Variants in MAB21L3 observed in about 807,000 individuals in gnomAD.
The protein encoded by MAB21L3 is mab-21 like 3.
Under a neutral mutation model 37.7 loss-of-function variants are expected in MAB21L3, and 36 were observed. The observed-to-expected ratio is 0.96, with a 90% CI of 0.73 to 1.26. The LOEUF (loss-of-function observed/expected upper bound fraction) is 1.26, where lower values mean the gene tolerates loss of function less well. Ranked by LOEUF, MAB21L3 falls within the 50% of genes most tolerant of loss-of-function variation. MAB21L3 has a pLI of 0.00. For synonymous variants in MAB21L3, 186 were observed against 176.8 expected, an observed-to-expected ratio of 1.05 and a Z score of -0.41; for missense variants, 430 against 447.3, an observed-to-expected ratio of 0.96 and a Z score of 0.35.
Position 116,135,828 on chromosome 1 carries a change from G to A in MAB21L3, c.*2463G>A, listed in dbSNP as rs1224386517. On this transcript the variant is annotated 3_prime_UTR_variant, in exon 8 of 8. Coordinates refer to ENST00000369500, the MANE Select transcript of MAB21L3 (RefSeq NM_152367.3). ...GGGATGCAAGGCTGGTTCAATATAC[G>A]CAAATCAATAAATGTAATCCAGCAT... 1.0e-4 allele frequency among the ~76,000 whole-genome samples: 15 copies of A among 149,558 alleles called. No individual in the cohort carries two copies. The highest frequency in any genetic ancestry group is 2.1e-4 in the South Asian group (1 of 4,750).
At position 116,133,958 on chromosome 1, in the gene MAB21L3, A is replaced by C; in HGVS notation, c.*593A>C. 6.5e-6 allele frequency: 1 copy of C among 154,670 alleles called. No individual in the cohort carries two copies. The highest frequency in any genetic ancestry group is 1.4e-5 in the Non-Finnish European group (1 of 69,694). The allele number at this position is 154,670 out of a possible 1,614,324, so 9.6% of individuals were successfully genotyped here. On this transcript the variant is annotated 3_prime_UTR_variant, in exon 8 of 8. Coordinates refer to ENST00000369500, the MANE Select transcript of MAB21L3 (RefSeq NM_152367.3). ...ACCCACAGCACTGACGCAAAATTGC[A>C]CCTGATGAGTTAGTGAGCCTGTGCT...
chr1:116,118,094 G>C (rs1268076972), intron 3 of MAB21L3, among the ~76,000 whole-genome samples: 1 of 152,088 alleles, frequency 6.6e-6, no homozygotes, highest in Non-Finnish European at 1.5e-5. Flanking sequence ...CATGGTAAAA[G>C]TTCTTGGGGC....
rs1275353151 is a variant in MAB21L3 at position 116,137,106 on chromosome 1, A to G, written c.*3741A>G. On this transcript the variant is annotated 3_prime_UTR_variant, in exon 8 of 8. Coordinates refer to ENST00000369500, the MANE Select transcript of MAB21L3 (RefSeq NM_152367.3). ...TAAAACACCAAAAGCAATGGCAACA[A>G]AAGCCAAAATTGACAAATGGGATCT... Among the ~76,000 whole-genome samples, 68 of 95,450 alleles carry G rather than the reference A, an allele frequency of 7.1e-4. No individual in the cohort carries two copies. The highest frequency in any genetic ancestry group is 5.2e-3 in the African/African-American group (64 of 12,396). The allele number at this position is 95,450 out of a possible 152,430, so 62.6% of individuals were successfully genotyped here. A position where few individuals can be genotyped will look rare whatever the true frequency, so the allele number is the denominator to read the frequency against.
intron 3 of MAB21L3, among the ~76,000 whole-genome samples, chr1:116,116,316 G>A (rs1659586572): frequency 1.3e-5 from 2 of 152,154 alleles, no homozygotes; most frequent in African/African-American, 2.4e-5. Flanking sequence ...AGAACTTATT[G>A]CAGGAAGTGT....
intron 3 of MAB21L3, among the ~76,000 whole-genome samples, chr1:116,117,967 G>C (rs749564016): frequency 6.6e-6 from 1 of 151,952 alleles, no homozygotes; most frequent in Non-Finnish European, 1.5e-5. Flanking sequence ...TTTGCTCTCT[G>C]CTACCTCTTC....
chr1:116,122,586 G>A (rs1659783224), intron 4 of MAB21L3, among the ~76,000 whole-genome samples: 1 of 152,020 alleles, frequency 6.6e-6, no homozygotes, highest in African/African-American at 2.4e-5. Flanking sequence ...TTAAAGATAG[G>A]GTCTCATTCT....
intron 3 of MAB21L3, among the ~76,000 whole-genome samples, chr1:116,113,933 G>A (rs1254797193): frequency 2.6e-5 from 4 of 152,084 alleles, no homozygotes; most frequent in Non-Finnish European, 2.9e-5. Flanking sequence ...CCTGTAGGTG[G>A]TTGAGTCTCC....
Position 116,120,943 on chromosome 1 carries a change from G to T in MAB21L3, c.60G>T (p.Arg20Ser). 1.9e-6 allele frequency: 3 copies of T among 1,614,098 alleles called. No homozygotes were observed. The highest frequency in any genetic ancestry group is 1.7e-6 in the Non-Finnish European group (2 of 1,179,978). ...CCTCTCACACCCAGGTGGACTTGAG[G>T]CGCCAGCAGATTTCCCAGGCTGTGG... ...EDCLLNKVDL[R>S]RQQISQAVEE... The change falls in exon 4 of 8, where the codon AGG becomes AGT. Residue 20 changes from arginine (R) to serine (S), a missense_variant. Physicochemically the swap from Arg to Ser is moderately radical, Grantham distance 110. Coordinates refer to ENST00000369500, the MANE Select transcript of MAB21L3 (RefSeq NM_152367.3).
intron 3 of MAB21L3, among the ~76,000 whole-genome samples, chr1:116,117,653 G>T (rs1162393174): frequency 6.6e-6 from 1 of 152,122 alleles, no homozygotes; most frequent in Non-Finnish European, 1.5e-5. Flanking sequence ...TCTTGACACT[G>T]TCTGGTTATC....
At chr1:116,126,318 T>C (rs745842004) in intron 5 of MAB21L3, among the ~76,000 whole-genome samples, 3 of 152,346 alleles carry the variant, frequency 2.0e-5, no homozygotes, top group Middle Eastern at 3.4e-3. Context: ...GAGGAAATTA[T>C]AGTATGTGAG....
Position 116,128,178 on chromosome 1 carries a change from T to G in MAB21L3, c.694T>G (p.Tyr232Asp), listed in dbSNP as rs567508980. 1 of 1,613,586 alleles carries G rather than the reference T, an allele frequency of 6.2e-7. No individual in the cohort carries two copies. The highest frequency in any genetic ancestry group is 2.2e-5 in the East Asian group (1 of 44,880). ...ATTTAACTTGTTGGCCTGTTCAAATTATCACTGGCAGCTGAGCTTCCTCCG... is the reference window on the plus strand; with the variant it reads ...ATTTAACTTGTTGGCCTGTTCAAATGATCACTGGCAGCTGAGCTTCCTCCG... ...FGFNLLACSN[Y>D]HWQLSFLRAE... Residue 232 changes from tyrosine to aspartate, a missense_variant, in exon 7 of 8, where the codon TAT (tyrosine) becomes GAT (aspartate). Physicochemically the swap from Tyr to Asp is radical, Grantham distance 160. Transcript: ENST00000369500.
chr1:116,127,178 A>T (rs528274763), intron 5 of MAB21L3, among the ~76,000 whole-genome samples: 23 of 152,158 alleles, frequency 1.5e-4, no homozygotes, highest in Non-Finnish European at 3.1e-4. Context: ...AATTTAAAAG[A>T]AAAGGTACCC....
At chr1:116,128,480 A>G in intron 7 of MAB21L3, 141 bp downstream of exon 7, 3 of 745,822 alleles carry the variant, frequency 4.0e-6, no homozygotes, top group Non-Finnish European at 6.2e-6. Flanking sequence ...TAGTATCTAT[A>G]TTTGCCATCC....
At chr1:116,122,175 G>A (rs1659770435) in intron 4 of MAB21L3, among the ~76,000 whole-genome samples, 1 of 152,174 alleles carries the variant, frequency 6.6e-6, no homozygotes, top group East Asian at 1.9e-4. Flanking sequence ...CAAGGTTGGT[G>A]GACGCAGGAA....
At position 116,135,039 on chromosome 1, in the gene MAB21L3, T is replaced by C. The variant is rs1660172470; in HGVS notation, c.*1674T>C. 6.6e-6 allele frequency: 1 copy of C among 151,988 alleles called. No homozygotes were observed. The highest frequency in any genetic ancestry group is 2.4e-5 in the African/African-American group (1 of 41,354). 9.4% of individuals were successfully genotyped at this position (151,988 alleles called of 1,614,324 possible). A position where few individuals can be genotyped will look rare whatever the true frequency, so the allele number is the denominator to read the frequency against. On this transcript the variant is annotated 3_prime_UTR_variant, in exon 8 of 8. Transcript: ENST00000369500. ...TGTAAACGGCAGGAAAGATCCAAAA[T>C]TGACACCCTAACATCACAATTAAAA...
chr1:116,117,154 T>TATAC (rs201208870), intron 3 of MAB21L3, among the ~76,000 whole-genome samples: 3 of 104,412 alleles, frequency 2.9e-5, no homozygotes, highest in East Asian at 2.8e-4. Context: ...GGAATCAAAA[T>TATAC]ATACATACAT....
At chr1:116,116,317 C>G (rs1659586607) in intron 3 of MAB21L3, among the ~76,000 whole-genome samples, 1 of 152,146 alleles carries the variant, frequency 6.6e-6, no homozygotes, top group Admixed American at 6.5e-5. Flanking sequence ...GAACTTATTG[C>G]AGGAAGTGTA....
intron 3 of MAB21L3, among the ~76,000 whole-genome samples, chr1:116,119,342 G>A (rs1177144850): frequency 2.0e-5 from 3 of 152,174 alleles, no homozygotes; most frequent in African/African-American, 7.2e-5. Flanking sequence ...CTAACAATAG[G>A]TGCACAGTCA....
At chr1:116,119,666 A>G (rs573466850) in intron 3 of MAB21L3, among the ~76,000 whole-genome samples, 14 of 152,252 alleles carry the variant, frequency 9.2e-5, no homozygotes, top group Admixed American at 7.8e-4. Flanking sequence ...TCTTGCTGTC[A>G]TGACAGCAGC....
Sources: gnomAD v4.1 joint callset for allele counts (sites outside exome capture counted in the v4.1 genomes callset) on GRCh38, gnomAD v4.1.1 for gene constraint, MANE v1.5 for transcripts, NCBI Gene and HGNC (gene_info 2026-07-23, HGNC 2026-07-21) for gene names.